Variants in SMURF2 observed in about 807,000 individuals in gnomAD.
The protein encoded by SMURF2 is SMAD specific E3 ubiquitin protein ligase 2.
In SMURF2, 48 loss-of-function variants were observed where a neutral mutation model predicts 109.6. The ratio of observed to expected loss-of-function variants is 0.44; its 90% CI spans 0.35 to 0.56. The LOEUF (loss-of-function observed/expected upper bound fraction) is 0.56. Among genes scored for constraint, SMURF2 ranks in the 20% least tolerant of loss-of-function variants. The probability of loss-of-function intolerance (pLI) is 0.01; values close to 1 mark genes in which losing one functional copy is unlikely to be tolerated. For synonymous variants in SMURF2, 288 were observed against 317.1 expected, an observed-to-expected ratio of 0.91 and a Z score of 0.97; for missense variants, 575 against 909.0, an observed-to-expected ratio of 0.63 and a Z score of 4.72.
At chr17:64,559,946 G>A (rs762650256) in intron 12 of SMURF2, among the ~76,000 whole-genome samples, 1 of 151,570 alleles carries the variant, frequency 6.6e-6, no homozygotes, top group Non-Finnish European at 1.5e-5. Flanking sequence ...TAGAGACGGG[G>A]TTTCATCATG....
At chr17:64,573,158 GGA>G in intron 9 of SMURF2, 1 of 32,226 alleles carries the variant, frequency 3.1e-5, no homozygotes, top group African/African-American at 1.6e-4. Flanking sequence ...AGGAGGAGGA[GGA>G]GGGGGAGGAG....
rs1196594843 is a variant in SMURF2, at chr17:64,551,724, T to G, written c.1749-20A>C. On this transcript the variant is annotated intron_variant, in intron 15 of 18. Transcript: ENST00000262435. ...TAGAGCCTGTAAACATTCGGCAGGA[T>G]TTCGTATAATCACATGTATTTTCAG... The G allele has an allele frequency of 1.2e-6, 2 of 1,612,556 alleles. No homozygotes were observed. Among genetic ancestry groups the G allele is most frequent in the Non-Finnish European group, 1.7e-6 (2 of 1,179,306 alleles).
chr17:64,617,747 G>T (rs1970145345), intron 1 of SMURF2, among the ~76,000 whole-genome samples: 1 of 152,068 alleles, frequency 6.6e-6, no homozygotes, highest in Admixed American at 6.6e-5. Flanking sequence ...AGAATTACAG[G>T]CATGAGCCAC....
intron 3 of SMURF2, among the ~76,000 whole-genome samples, chr17:64,596,501 A>C (rs1403374719): frequency 2.6e-5 from 4 of 151,070 alleles, no homozygotes; most frequent in Non-Finnish European, 5.9e-5. Context: ...ATATCTTCTG[A>C]TAAGATCTCA....
At chr17:64,587,152 G>A (rs1464522825) in intron 5 of SMURF2, among the ~76,000 whole-genome samples, 1 of 152,114 alleles carries the variant, frequency 6.6e-6, no homozygotes, top group Non-Finnish European at 1.5e-5. Context: ...CTCTAGCCTG[G>A]CAACAGAGTG....
At chr17:64,630,586 G>C (rs1970324579) in intron 1 of SMURF2, among the ~76,000 whole-genome samples, 2 of 152,104 alleles carry the variant, frequency 1.3e-5, no homozygotes, top group Admixed American at 6.6e-5. Flanking sequence ...TATATTTAAA[G>C]GCTCTACTGG....
chr17:64,572,556 T>C (rs1289865387), intron 9 of SMURF2, among the ~76,000 whole-genome samples: 1 of 152,246 alleles, frequency 6.6e-6, no homozygotes, highest in African/African-American at 2.4e-5. Context: ...GGGTTACCAC[T>C]GCAATAAGAA....
intron 1 of SMURF2, among the ~76,000 whole-genome samples, chr17:64,633,883 G>A (rs1970379542): frequency 6.6e-6 from 1 of 152,164 alleles, no homozygotes; most frequent in African/African-American, 2.4e-5. Flanking sequence ...TAGGCTGAGT[G>A]TGGTGGCTCA....
intron 1 of SMURF2, among the ~76,000 whole-genome samples, chr17:64,611,976 C>T (rs1414714502): frequency 1.3e-5 from 2 of 152,150 alleles, no homozygotes; most frequent in African/African-American, 2.4e-5. Flanking sequence ...ACAGCCTTCA[C>T]GTGCCATTCT....
At chr17:64,653,453 C>A (rs1322617553) in intron 1 of SMURF2, among the ~76,000 whole-genome samples, 1 of 123,076 alleles carries the variant, frequency 8.1e-6, no homozygotes, top group Non-Finnish European at 1.7e-5. Context: ...CAAAATGGTA[C>A]AACTTTGAAA....
At position 64,566,563 on chromosome 17, in the gene SMURF2, T is replaced by TTG. The variant is rs1424410876; in HGVS notation, c.1017-3598_1017-3597insCA. On this transcript the variant is annotated intron_variant, in intron 10 of 18. Transcript: ENST00000262435. ...TGTAGAAATGCTTAAGCTTTCTGGT[T>TTG]TTTTTTTTTTTTTTTTTTTTTTTTT... 3.0e-4 allele frequency among the ~76,000 whole-genome samples: 16 copies of TTG among 53,116 alleles called. 2 individuals carry two copies. Among genetic ancestry groups the TTG allele is most frequent in the African/African-American group, 8.3e-4 (13 of 15,688 alleles). The allele number at this position is 53,116 out of a possible 152,430, so 34.8% of individuals were successfully genotyped here. A position where few individuals can be genotyped will look rare whatever the true frequency, so the allele number is the denominator to read the frequency against.
At position 64,583,495 on chromosome 17, in the gene SMURF2, T is replaced by C. The variant is rs151084350; in HGVS notation, c.535A>G (p.Ile179Val). ...CGCTCCCATTGCGTAGTTCTTGTTA[T>C]ATGGTTTAGATACTGGATTCTTCCA... is the stretch of plus-strand genomic sequence containing the variant. ...ASGRIQYLNH[I>V]TRTTQWERPT... Residue 179 changes from isoleucine to valine, a missense_variant, in exon 7 of 19, where the codon ATA (isoleucine) becomes GTA (valine). Physicochemically the swap from Ile to Val is conservative, Grantham distance 29 (BLOSUM62 3). This residue lies in a region of SMURF2 where 151 missense variants were observed against 178.4 expected (regional missense o/e 0.85). Transcript: ENST00000262435. 4 of 1,614,086 alleles carry C rather than the reference T, an allele frequency of 2.5e-6. No homozygotes were observed. The highest frequency in any genetic ancestry group is 3.4e-6 in the Non-Finnish European group (4 of 1,179,968).
At chr17:64,600,314 T>C (rs1487875567) in intron 2 of SMURF2, among the ~76,000 whole-genome samples, 4 of 152,282 alleles carry the variant, frequency 2.6e-5, no homozygotes, top group Non-Finnish European at 4.4e-5. Context: ...ATGATTCTTT[T>C]GACAAAAATT....
At chr17:64,584,444 C>T (rs1215703671) in intron 6 of SMURF2, among the ~76,000 whole-genome samples, 16 of 146,006 alleles carry the variant, frequency 1.1e-4, no homozygotes, top group Admixed American at 4.1e-4. Flanking sequence ...CTGCAACCTA[C>T]GCCTCCCGGG....
chr17:64,558,333 A>G (rs1969154528), intron 12 of SMURF2, among the ~76,000 whole-genome samples: 2 of 151,920 alleles, frequency 1.3e-5, no homozygotes, highest in African/African-American at 2.4e-5. Flanking sequence ...CTGGAGGTTG[A>G]GGCTGCAGTG....
At chr17:64,553,112 T>C (rs533730803) in intron 15 of SMURF2, among the ~76,000 whole-genome samples, 158 of 152,322 alleles carry the variant, frequency 1.0e-3, no homozygotes, top group African/African-American at 3.6e-3. Context: ...TCCATTCTTT[T>C]ACCCTCTTTC....
At chr17:64,647,861 T>A (rs538653767) in intron 1 of SMURF2, among the ~76,000 whole-genome samples, 41 of 151,528 alleles carry the variant, frequency 2.7e-4, no homozygotes, top group Non-Finnish European at 4.4e-4. Context: ...TTCAAGACCA[T>A]CCTGGGCAAC....
chr17:64,614,808 A>T (rs1555689963), intron 1 of SMURF2, among the ~76,000 whole-genome samples: 1 of 152,260 alleles, frequency 6.6e-6, no homozygotes, highest in Non-Finnish European at 1.5e-5. Context: ...TACAAAGAAA[A>T]ATAAGACATA....
chr17:64,627,111 C>CTTTTTTTTT (rs1204553792), intron 1 of SMURF2, among the ~76,000 whole-genome samples: 1 of 120,130 alleles, frequency 8.3e-6, no homozygotes, highest in African/African-American at 3.4e-5. Context: ...AGTTTTTTTC[C>CTTTTTTTTT]TTTTTTTTTT....
Sources: gnomAD v4.1 joint callset for allele counts (sites outside exome capture counted in the v4.1 genomes callset) on GRCh38, gnomAD v4.1.1 for gene constraint, gnomAD v4.1.1 regional missense constraint, MANE v1.5 for transcripts, NCBI Gene and HGNC (gene_info 2026-07-23, HGNC 2026-07-21) for gene names.